BMPR1B: variants seen among roughly 807,000 people sequenced by gnomAD.
The protein encoded by BMPR1B is bone morphogenetic protein receptor type-1B.
In BMPR1B, 12 loss-of-function variants were observed where a neutral mutation model predicts 59.1. The observed-to-expected ratio is 0.20, with a 90% CI of 0.13 to 0.33. The LOEUF (loss-of-function observed/expected upper bound fraction) is 0.33, where lower values mean the gene tolerates loss of function less well. Ranked by LOEUF, BMPR1B falls within the 10% of genes least tolerant of loss-of-function variation. The probability of loss-of-function intolerance (pLI) is 1.00; values close to 1 mark genes in which losing one functional copy is unlikely to be tolerated. For missense variants in BMPR1B, 550 were observed against 610.9 expected, an observed-to-expected ratio of 0.90 and a Z score of 1.05; for synonymous variants, 237 against 207.3, an observed-to-expected ratio of 1.14 and a Z score of -1.23.
rs556891066 is a variant in BMPR1B at position 95,028,765 on chromosome 4, A to G, written c.-18+32631A>G. 1.4e-4 allele frequency among the ~76,000 whole-genome samples: 22 copies of G among 152,258 alleles called. No homozygotes were observed. In the South Asian group the frequency reaches 3.5e-3, roughly 24 times the overall value. ...GTTTCCATGTAAAAAGATACTAGAA[A>G]TCTACCGTTTCTAATGCAGGAATTC... On this transcript the variant is annotated intron_variant, in intron 3 of 12. Transcript: ENST00000515059.
chr4:95,041,169 C>T (rs1412142021), intron 3 of BMPR1B, among the ~76,000 whole-genome samples: 2 of 152,188 alleles, frequency 1.3e-5, no homozygotes, highest in African/African-American at 4.8e-5. Context: ...ACCTCAGCCT[C>T]CTGAGTAAAT....
intron 3 of BMPR1B, among the ~76,000 whole-genome samples, chr4:95,066,704 G>A (rs1727832816): frequency 6.6e-6 from 1 of 152,130 alleles, no homozygotes; most frequent in Admixed American, 6.5e-5. Flanking sequence ...GCATTACATG[G>A]GAACCTGGTA....
intron 3 of BMPR1B, among the ~76,000 whole-genome samples, chr4:95,043,132 G>A (rs915593904): frequency 1.6e-5 from 2 of 125,270 alleles, no homozygotes; most frequent in Non-Finnish European, 3.1e-5. Flanking sequence ...CCGAGATTGC[G>A]CCACTGCAGT....
chr4:94,760,547 T>C (rs17022090), intron 1 of BMPR1B, among the ~76,000 whole-genome samples: 2,760 of 152,332 alleles, frequency 0.018, 65 homozygotes, highest in African/African-American at 0.063. Context: ...GTATTTATCA[T>C]CCAAATCTAA....
intron 1 of BMPR1B, among the ~76,000 whole-genome samples, chr4:94,798,930 A>T (rs1271145269): frequency 1.3e-5 from 2 of 151,972 alleles, no homozygotes; most frequent in African/African-American, 4.8e-5. Context: ...TCCAGAGAAC[A>T]AAATAGAAGA....
chr4:94,779,997 A>T (rs1339882940), intron 1 of BMPR1B, among the ~76,000 whole-genome samples: 1 of 152,044 alleles, frequency 6.6e-6, no homozygotes, highest in African/African-American at 2.4e-5. Context: ...TTGTTGGGTT[A>T]CATTTGTTGA....
At chr4:94,879,829 A>C (rs1422162337) in intron 2 of BMPR1B, among the ~76,000 whole-genome samples, 3 of 152,186 alleles carry the variant, frequency 2.0e-5, no homozygotes, top group African/African-American at 7.2e-5. Context: ...CACAGTGAAA[A>C]ATCAGTTTTT....
chr4:94,810,946 T>C (rs189444948), intron 1 of BMPR1B, among the ~76,000 whole-genome samples: 19 of 152,268 alleles, frequency 1.2e-4, no homozygotes, highest in Admixed American at 3.3e-4. Context: ...CAGTGTTAGA[T>C]TGGGTAGAAA....
chr4:94,998,444 G>GC, intron 3 of BMPR1B, among the ~76,000 whole-genome samples: 1 of 150,836 alleles, frequency 6.6e-6, no homozygotes, highest in East Asian at 1.9e-4. Context: ...CGCGATCTTA[G>GC]CTCACTGCAA....
chr4:95,085,601 A>C (rs1215066909), intron 3 of BMPR1B, among the ~76,000 whole-genome samples: 1 of 152,206 alleles, frequency 6.6e-6, no homozygotes, highest in Non-Finnish European at 1.5e-5. Context: ...GCATTGTGGA[A>C]TGTTAGTAAT....
At chr4:94,759,090 T>TG (rs1446713779) in intron 1 of BMPR1B, among the ~76,000 whole-genome samples, 1 of 152,214 alleles carries the variant, frequency 6.6e-6, no homozygotes, top group Non-Finnish European at 1.5e-5. Flanking sequence ...TCCGCTGTGG[T>TG]GCGGGTCTTA....
intron 1 of BMPR1B, among the ~76,000 whole-genome samples, chr4:94,841,444 G>T (rs1725069612): frequency 6.6e-6 from 1 of 152,184 alleles, no homozygotes. Context: ...TCCGAGCCAG[G>T]TGTGGGATAT....
chr4:94,832,180 A>G (rs1490674157), intron 1 of BMPR1B, among the ~76,000 whole-genome samples: 2 of 152,182 alleles, frequency 1.3e-5, no homozygotes, highest in Admixed American at 1.3e-4. Context: ...CCCTAGTGCC[A>G]AAAAGGTTGA....
rs370365996 is a variant in BMPR1B, at chr4:94,881,796, T to C, written c.-113+5896T>C. 4.6e-5 allele frequency among the ~76,000 whole-genome samples: 7 copies of C among 152,272 alleles called. No individual in the cohort carries two copies. In the East Asian group the frequency reaches 1.2e-3, roughly 25 times the overall value. ...TTCGACCTTTCTAGGCCTTTTTTTCTTCAGCCATAAAATAAGGCTATTGGT... is the reference window on the plus strand; with the variant it reads ...TTCGACCTTTCTAGGCCTTTTTTTCCTCAGCCATAAAATAAGGCTATTGGT... On this transcript the variant is annotated intron_variant, in intron 2 of 12. Transcript: ENST00000515059.
At chr4:94,826,657 T>G (rs1353830928) in intron 1 of BMPR1B, among the ~76,000 whole-genome samples, 1 of 93,110 alleles carries the variant, frequency 1.1e-5, no homozygotes, top group Non-Finnish European at 2.1e-5. Flanking sequence ...GTTCTATACA[T>G]TAATAAAAAT....
chr4:95,108,371 T>C (rs1231306658), intron 4 of BMPR1B, among the ~76,000 whole-genome samples: 1 of 152,110 alleles, frequency 6.6e-6, no homozygotes, highest in African/African-American at 2.4e-5. Flanking sequence ...ATTGTCTGGC[T>C]TGAGGCCTTG....
chr4:94,832,510 G>A (rs576891225), intron 1 of BMPR1B, among the ~76,000 whole-genome samples: 1 of 152,248 alleles, frequency 6.6e-6, no homozygotes, highest in South Asian at 2.1e-4. Flanking sequence ...AGCCGAGCAT[G>A]GTCGCTCATG....
At chr4:94,995,334 T>C (rs1284641912) in intron 2 of BMPR1B, among the ~76,000 whole-genome samples, 1 of 152,208 alleles carries the variant, frequency 6.6e-6, no homozygotes, top group Admixed American at 6.5e-5. Flanking sequence ...ATCTGATTAA[T>C]GTTATACTTT....
intron 1 of BMPR1B, among the ~76,000 whole-genome samples, chr4:94,863,865 C>T (rs1379371344): frequency 6.6e-6 from 1 of 152,226 alleles, no homozygotes; most frequent in Non-Finnish European, 1.5e-5. Context: ...ATAAGCACAA[C>T]ATCTTCTAAT....
Sources: allele counts gnomAD v4.1 joint callset (sites outside exome capture counted in the v4.1 genomes callset), GRCh38; gene constraint gnomAD v4.1.1; transcripts MANE v1.5; gene names NCBI Gene and HGNC (gene_info 2026-07-23, HGNC 2026-07-21).